The following AFF3 variants were observed in gnomAD, a reference collection of about 807,000 sequenced individuals.
The protein encoded by AFF3 is ALF transcription elongation factor 3.
Under a neutral mutation model 129.7 loss-of-function variants are expected in AFF3, and 32 were observed. That is an observed-to-expected ratio of 0.25 (90% CI 0.19 to 0.33). The LOEUF is 0.33. Ranked by LOEUF, AFF3 falls within the 10% of genes least tolerant of loss-of-function variation. AFF3 has a pLI of 1.00. For missense variants in AFF3, 1,373 were observed against 1,592.0 expected (o/e 0.86, Z 2.34); for synonymous variants, 644 against 635.4 (o/e 1.01, Z -0.20).
At chr2:99,828,992 G>A (rs561609998) in intron 8 of AFF3, among the ~76,000 whole-genome samples, 47 of 152,248 alleles carry the variant, frequency 3.1e-4, no homozygotes, top group Admixed American at 1.2e-3. Flanking sequence ...TAGGGTCTTT[G>A]AAACTGAGGC....
intron 8 of AFF3, among the ~76,000 whole-genome samples, chr2:99,836,684 A>G (rs1474958524): frequency 6.6e-6 from 1 of 152,166 alleles, no homozygotes; most frequent in African/African-American, 2.4e-5. Flanking sequence ...TCCAAAAGAA[A>G]GGACCATATT....
intron 24 of AFF3, among the ~76,000 whole-genome samples, chr2:99,554,054 T>C (rs1340948456): frequency 6.6e-6 from 1 of 152,024 alleles, no homozygotes; most frequent in African/African-American, 2.4e-5. Context: ...AACTTAAATG[T>C]CTAACAACAG....
At chr2:99,808,570 C>T (rs1312111433) in intron 8 of AFF3, among the ~76,000 whole-genome samples, 2 of 152,054 alleles carry the variant, frequency 1.3e-5, no homozygotes, top group African/African-American at 4.8e-5. Flanking sequence ...CTCCTCTGAG[C>T]TAATGGATGA....
At position 100,107,302 on chromosome 2, in the gene AFF3, G is replaced by A. The variant is rs1691345414; in HGVS notation, c.-144-1719C>T. ...ATGGGAGATCTTTATTATTTATCTG[G>A]TTTATGAAGATGTTCCTATTATCCT... On this transcript the variant is annotated intron_variant, in intron 2 of 24. Coordinates refer to ENST00000672756, the MANE Select transcript of AFF3 (RefSeq NM_001386135.1). 1.1e-5 allele frequency: 11 copies of A among 985,094 alleles called. No homozygotes were observed. The South Asian group carries it at 4.2e-4, about 38-fold the overall frequency. 61.0% of individuals were successfully genotyped at this position (985,094 alleles called of 1,614,324 possible).
At chr2:99,958,912 A>C (rs1298084309) in intron 7 of AFF3, among the ~76,000 whole-genome samples, 1 of 152,014 alleles carries the variant, frequency 6.6e-6, no homozygotes, top group Non-Finnish European at 1.5e-5. Flanking sequence ...CAGGAGTTCG[A>C]GATCAGCCTG....
intron 7 of AFF3, among the ~76,000 whole-genome samples, chr2:99,998,351 G>C (rs1260138123): frequency 6.6e-6 from 1 of 152,076 alleles, no homozygotes; most frequent in Non-Finnish European, 1.5e-5. Flanking sequence ...CCCTTCTGCT[G>C]GGGGGTTTCA....
intron 7 of AFF3, among the ~76,000 whole-genome samples, chr2:99,886,394 C>T (rs1693112361): frequency 6.6e-6 from 1 of 151,594 alleles, no homozygotes; most frequent in Non-Finnish European, 1.5e-5. Flanking sequence ...CAGTAAATTA[C>T]AACATACTCA....
intron 13 of AFF3, among the ~76,000 whole-genome samples, chr2:99,627,879 TG>T (rs1682746078): frequency 6.6e-6 from 1 of 151,862 alleles, no homozygotes. Context: ...TATAGGTGTA[TG>T]GCCTTTTTTC....
At chr2:99,747,364 C>G (rs997393820) in intron 9 of AFF3, among the ~76,000 whole-genome samples, 2 of 150,630 alleles carry the variant, frequency 1.3e-5, no homozygotes, top group African/African-American at 4.9e-5. Flanking sequence ...GGGCCACATT[C>G]TGTTACCCAG....
At chr2:100,085,903 G>A (rs971183001) in intron 4 of AFF3, among the ~76,000 whole-genome samples, 12 of 151,940 alleles carry the variant, frequency 7.9e-5, no homozygotes, top group African/African-American at 2.2e-4. Context: ...CTTGTGACTC[G>A]TGGGTTTCTA....
intron 7 of AFF3, among the ~76,000 whole-genome samples, chr2:99,973,517 G>C (rs17023326): frequency 6.6e-6 from 1 of 152,144 alleles, no homozygotes; most frequent in East Asian, 1.9e-4. Context: ...GGTTTATTCC[G>C]TTTTGTGCAC....
In AFF3 at chr2:100,007,247, T is replaced by C. The variant is rs1487082235; in HGVS notation, c.388A>G (p.Thr130Ala). Residue 130 changes from threonine (T) to alanine (A), a missense_variant, in exon 6 of 25, where the codon ACT (threonine) becomes GCT (alanine). Physicochemically the swap from Thr to Ala is moderately conservative, Grantham distance 58. Coordinates refer to ENST00000672756, the MANE Select transcript of AFF3 (RefSeq NM_001386135.1). ...ACGGGGACAGCTGCTGGTGTGGAAG[T>C]TGTAGTGCTACAGATAGACGAGGGC... ...NQPSSICSTT[T>A]STPAAVPVQQ... The C allele has an allele frequency of 6.2e-7, 1 of 1,613,994 alleles. No homozygotes were observed. Among genetic ancestry groups the C allele is most frequent in the Non-Finnish European group, 8.5e-7 (1 of 1,180,036 alleles).
intron 2 of AFF3, chr2:100,112,287 A>C (rs2105531667): frequency 6.6e-6 from 1 of 152,328 alleles, no homozygotes; most frequent in East Asian, 1.9e-4. Context: ...GTTTCTTGGA[A>C]GAAGGGAGCT....
chr2:99,834,005 AG>A (rs1235005200), intron 8 of AFF3, among the ~76,000 whole-genome samples: 1 of 152,254 alleles, frequency 6.6e-6, no homozygotes, highest in South Asian at 2.1e-4. Context: ...CAGTCACCTC[AG>A]CAAAAATAAG....
intron 18 of AFF3, among the ~76,000 whole-genome samples, chr2:99,577,383 A>C (rs10166989): frequency 0.023 from 3,482 of 151,912 alleles, 128 homozygotes; most frequent in African/African-American, 0.079. Context: ...CATTTAATGG[A>C]TCCTAGGAGG....
In AFF3 at chr2:99,840,039, G is replaced by GCCTTTTTATTGTTTTTTGTT. The variant is rs1344973824; in HGVS notation, c.874-2516_874-2515insAACAAAAAACAATAAAAAGG. Among the ~76,000 whole-genome samples, 1,113 of 152,146 alleles carry GCCTTTTTATTGTTTTTTGTT rather than the reference G, an allele frequency of 7.3e-3. 10 individuals carry two copies. Among genetic ancestry groups the GCCTTTTTATTGTTTTTTGTT allele is most frequent in the Middle Eastern group, 0.027 (8 of 294 alleles). On this transcript the variant is annotated intron_variant, in intron 7 of 24. Transcript: ENST00000672756. ...TTGCCTTTTTATTGTTTTATTATAG[G>GCCTTTTTATTGTTTTTTGTT]AGTGCTTTGTATATTCTGGATATCA...
rs1558716171 is a variant in AFF3 at position 99,662,577 on chromosome 2, C to A, written c.1143+9961G>T. ...ATTACTAATGTCTAATTCATTAAGA[C>A]CAACAAGCCAGCATCTTACATGATG... On this transcript the variant is annotated intron_variant, in intron 12 of 24. Coordinates refer to ENST00000672756, the MANE Select transcript of AFF3 (RefSeq NM_001386135.1). Among the ~76,000 whole-genome samples the A allele has an allele frequency of 4.6e-5, 7 of 152,190 alleles. No homozygotes were observed. In the South Asian group the frequency reaches 1.5e-3, roughly 32 times the overall value.
intron 2 of AFF3, among the ~76,000 whole-genome samples, chr2:100,124,521 A>G (rs948917281): frequency 6.6e-6 from 1 of 152,252 alleles, no homozygotes; most frequent in Non-Finnish European, 1.5e-5. Context: ...GACATATTCC[A>G]GAAAAACAAG....
chr2:99,996,468 G>A (rs1031353785), intron 7 of AFF3, among the ~76,000 whole-genome samples: 14 of 151,746 alleles, frequency 9.2e-5, no homozygotes, highest in East Asian at 1.9e-4. Flanking sequence ...GGAGTGCAGC[G>A]GCGCCATCTC....
Sources: gnomAD v4.1 joint callset for allele counts (sites outside exome capture counted in the v4.1 genomes callset) on GRCh38, gnomAD v4.1.1 for gene constraint, MANE v1.5 for transcripts, NCBI Gene and HGNC (gene_info 2026-07-23, HGNC 2026-07-21) for gene names.